The following ITGA9 variants were observed in gnomAD, a reference collection of about 807,000 sequenced individuals.
The protein encoded by ITGA9 is integrin subunit alpha 9, also known as integrin alpha-9.
In ITGA9, 56 loss-of-function variants were observed where a neutral mutation model predicts 127.8. The ratio of observed to expected loss-of-function variants is 0.44; its 90% CI spans 0.35 to 0.55. The LOEUF is 0.55. Ranked by LOEUF, ITGA9 falls within the 20% of genes least tolerant of loss-of-function variation. The pLI is 0.00. For missense variants in ITGA9, 1,196 were observed against 1,347.1 expected (o/e 0.89, Z 1.76); for synonymous variants, 508 against 514.5 (o/e 0.99, Z 0.17).
At chr3:37,702,458 TCTC>T (rs1700957608) in intron 18 of ITGA9, among the ~76,000 whole-genome samples, 1 of 152,152 alleles carries the variant, frequency 6.6e-6, no homozygotes, top group African/African-American at 2.4e-5. Flanking sequence ...TGAGAGGTCT[TCTC>T]CAAGGTATCA....
intron 1 of ITGA9, among the ~76,000 whole-genome samples, chr3:37,462,722 C>A (rs1698329009): frequency 6.6e-6 from 1 of 152,210 alleles, no homozygotes; most frequent in African/African-American, 2.4e-5. Context: ...CTTCGGAGGG[C>A]ATTTGTGTCT....
intron 15 of ITGA9, among the ~76,000 whole-genome samples, chr3:37,564,416 A>G (rs1386683681): frequency 1.3e-5 from 2 of 152,180 alleles, no homozygotes; most frequent in Non-Finnish European, 2.9e-5. Context: ...ATAGACTTCC[A>G]TTAGTCCTGT....
intron 18 of ITGA9, among the ~76,000 whole-genome samples, chr3:37,702,770 A>G (rs1700961676): frequency 1.3e-5 from 2 of 152,092 alleles, no homozygotes; most frequent in South Asian, 2.1e-4. Flanking sequence ...CAGTTGGGAA[A>G]TGTGTAATCT....
At chr3:37,689,582 C>T (rs1700812260) in intron 18 of ITGA9, among the ~76,000 whole-genome samples, 1 of 152,162 alleles carries the variant, frequency 6.6e-6, no homozygotes, top group Non-Finnish European at 1.5e-5. Context: ...GAGGGAGCTC[C>T]TGGGGCCGGG....
intron 17 of ITGA9, among the ~76,000 whole-genome samples, chr3:37,681,489 A>C (rs1457023313): frequency 6.6e-6 from 1 of 152,150 alleles, no homozygotes; most frequent in Non-Finnish European, 1.5e-5. Flanking sequence ...CCTAGTGATC[A>C]AGAAGAGGGG....
intron 18 of ITGA9, among the ~76,000 whole-genome samples, chr3:37,688,706 C>T (rs981507451): frequency 6.6e-6 from 1 of 152,210 alleles, no homozygotes; most frequent in Non-Finnish European, 1.5e-5. Context: ...CCCCACCCCC[C>T]ATTTTTGTTT....
At chr3:37,502,302 C>T (rs931886469) in intron 5 of ITGA9, among the ~76,000 whole-genome samples, 4 of 148,838 alleles carry the variant, frequency 2.7e-5, no homozygotes, top group Admixed American at 6.8e-5. Flanking sequence ...GAGACCTCTG[C>T]GTCCCGGGTT....
chr3:37,744,103 C>T, intron 22 of ITGA9, 69 bp downstream of exon 22: 1 of 1,043,766 alleles, frequency 9.6e-7, no homozygotes, highest in Non-Finnish European at 1.5e-6. Flanking sequence ...GTCTCTCCTA[C>T]AGAGGGCTAA....
At chr3:37,467,753 C>T (rs1461040832) in intron 1 of ITGA9, among the ~76,000 whole-genome samples, 1 of 152,116 alleles carries the variant, frequency 6.6e-6, no homozygotes, top group African/African-American at 2.4e-5. Flanking sequence ...CTGTGTGGCC[C>T]TGGGGTTTTT....
At chr3:37,748,496 C>G (rs1442183735) in intron 22 of ITGA9, 1 of 530,602 alleles carries the variant, frequency 1.9e-6, no homozygotes, top group African/African-American at 1.9e-5. Context: ...GCCTGTAATC[C>G]TAACACTTTG....
chr3:37,621,092 C>T (rs1700123339), intron 15 of ITGA9, among the ~76,000 whole-genome samples: 1 of 151,342 alleles, frequency 6.6e-6, no homozygotes, highest in South Asian at 2.1e-4. Flanking sequence ...GGTGATTTTC[C>T]CCATACTGTT....
At chr3:37,781,764 C>T (rs1696978235) in intron 25 of ITGA9, among the ~76,000 whole-genome samples, 1 of 152,148 alleles carries the variant, frequency 6.6e-6, no homozygotes, top group Non-Finnish European at 1.5e-5. Context: ...GAATGAATAA[C>T]CTTAGAAAAG....
chr3:37,728,852 A>AG (rs1696249881), intron 18 of ITGA9, among the ~76,000 whole-genome samples: 1 of 151,778 alleles, frequency 6.6e-6, no homozygotes. Flanking sequence ...TTGGGGCAAG[A>AG]GGAGCGAAGG....
intron 26 of ITGA9, among the ~76,000 whole-genome samples, chr3:37,792,287 G>A (rs1286788907): frequency 5.9e-5 from 9 of 152,228 alleles, no homozygotes; most frequent in Admixed American, 5.2e-4. Context: ...CTGGGGACTC[G>A]ATGGGGAACA....
intron 17 of ITGA9, among the ~76,000 whole-genome samples, chr3:37,674,779 C>G (rs961029225): frequency 2.0e-5 from 3 of 152,190 alleles, no homozygotes; most frequent in Non-Finnish European, 2.9e-5. Flanking sequence ...TTTGGCTGGA[C>G]TGTGAGGCCT....
chr3:37,740,296 G>A (rs185202312), intron 20 of ITGA9, among the ~76,000 whole-genome samples: 73 of 152,228 alleles, frequency 4.8e-4, no homozygotes, highest in African/African-American at 1.6e-3. Flanking sequence ...AGGTCTAGGG[G>A]ACTCTTTTCT....
At chr3:37,599,427 T>G (rs1343496700) in intron 15 of ITGA9, among the ~76,000 whole-genome samples, 1 of 152,190 alleles carries the variant, frequency 6.6e-6, no homozygotes, top group Non-Finnish European at 1.5e-5. Flanking sequence ...CTTGTTTACA[T>G]GGTTAGGAGG....
intron 15 of ITGA9, among the ~76,000 whole-genome samples, chr3:37,608,071 T>G (rs1699985242): frequency 6.6e-6 from 1 of 152,206 alleles, no homozygotes; most frequent in South Asian, 2.1e-4. Context: ...CGGGCACATC[T>G]TTGTGCGCAG....
intron 15 of ITGA9, among the ~76,000 whole-genome samples, chr3:37,627,499 C>T (rs541849371): frequency 1.2e-4 from 19 of 152,270 alleles, no homozygotes; most frequent in African/African-American, 2.4e-4. Context: ...TCTGTGGCCC[C>T]GTACACGTAG....
Sources: gnomAD v4.1 joint callset for allele counts (sites outside exome capture counted in the v4.1 genomes callset) on GRCh38, gnomAD v4.1.1 for gene constraint, MANE v1.5 for transcripts, NCBI Gene and HGNC (gene_info 2026-07-23, HGNC 2026-07-21) for gene names.